ERCC2: variants seen among roughly 807,000 people sequenced by gnomAD.
ERCC2 encodes ERCC excision repair 2, TFIIH core complex helicase subunit, also known as general transcription and DNA repair factor IIH helicase subunit XPD.
Under a neutral mutation model 99.4 loss-of-function variants are expected in ERCC2, and 90 were observed. That is an observed-to-expected ratio of 0.91 (90% CI 0.76 to 1.08). ERCC2 has a LOEUF of 1.08. ERCC2 is among the 50% of genes least tolerant of loss of function. ERCC2 has a pLI of 0.00. For synonymous variants in ERCC2, 497 were observed against 432.4 expected (o/e 1.15, Z -1.85); for missense variants, 993 against 1,038.1 (o/e 0.96, Z 0.60).
rs1449045411 is a variant in ERCC2 at position 45,349,874 on chromosome 19, G to T, written c.*1755C>A. Reference sequence around the variant, plus strand: ...ACATTTATTGAGCTCACTGTGGCCGGCTCCCCTCTTAGCCCGGTCCCCACA... The same window carrying T: ...ACATTTATTGAGCTCACTGTGGCCGTCTCCCCTCTTAGCCCGGTCCCCACA... On this transcript the variant is annotated 3_prime_UTR_variant, in exon 23 of 23. Coordinates refer to ENST00000391945, the MANE Select transcript of ERCC2 (RefSeq NM_000400.4). 2.0e-5 allele frequency: 10 copies of T among 488,258 alleles called. No individual in the cohort carries two copies. The highest frequency in any genetic ancestry group is 1.2e-4 in the African/African-American group (6 of 51,126). 30.2% of individuals were successfully genotyped at this position (488,258 alleles called of 1,614,324 possible).
chr19:45,364,413 G>A lies in ERCC2; in HGVS notation c.718+11C>T, dbSNP rs1555778123. 9.3e-6 allele frequency: 15 copies of A among 1,613,720 alleles called. No individual in the cohort carries two copies. The highest frequency in any genetic ancestry group is 3.3e-4 in the Middle Eastern group (2 of 6,072). On this transcript the variant is annotated intron_variant, in intron 8 of 22. Transcript: ENST00000391945. ...GGCTGGCATCCCTTTGGCCCCTGGC[G>A]CCCCCCTCACCAATGTTGTGGGCCT...
chr19:45,350,354 TGAAACA>T lies in ERCC2; in HGVS notation c.*1269_*1274del. On this transcript the variant is annotated 3_prime_UTR_variant, in exon 23 of 23. Transcript: ENST00000391945. ...CCTTCTCCGCAGGCCTCAGCCTACC[TGAAACA>T]GAACAAGTATCAACAAGCGGAAGAG... The T allele has an allele frequency of 6.2e-7, 1 of 1,612,982 alleles. No individual in the cohort carries two copies. The highest frequency in any genetic ancestry group is 8.5e-7 in the Non-Finnish European group (1 of 1,179,886).
At position 45,351,584 on chromosome 19, in the gene ERCC2, G is replaced by GACTC. The variant is rs1239220261; in HGVS notation, c.*41_*44dup. ...GCCGCTGGGAACCAGGGCCAGGCAAGACTCAGGAGTCACCAGGAACCGTTT... is the reference window on the plus strand; with the variant it reads ...GCCGCTGGGAACCAGGGCCAGGCAAGACTCACTCAGGAGTCACCAGGAACCGTTT... On this transcript the variant is annotated 3_prime_UTR_variant, in exon 23 of 23. Transcript: ENST00000391945. 1.2e-6 allele frequency: 2 copies of GACTC among 1,611,740 alleles called. No homozygotes were observed. The highest frequency in any genetic ancestry group is 1.7e-6 in the Non-Finnish European group (2 of 1,179,548).
intron 11 of ERCC2, among the ~76,000 whole-genome samples, chr19:45,362,369 G>A (rs759842540): frequency 5.9e-5 from 9 of 152,282 alleles, no homozygotes; most frequent in South Asian, 2.1e-4. Flanking sequence ...GGACACACAC[G>A]GTGTCGGAAC....
chr19:45,368,527 T>A lies in ERCC2; in HGVS notation c.360+103A>T, dbSNP rs527594806. The A allele has an allele frequency of 6.0e-4, 477 of 789,738 alleles. 1 individual carries two copies. Among genetic ancestry groups the A allele is most frequent in the Non-Finnish European group, 9.0e-4 (400 of 446,532 alleles). The allele number at this position is 789,738 out of a possible 1,614,324, so 48.9% of individuals were successfully genotyped here. A position where few individuals can be genotyped will look rare whatever the true frequency, so the allele number is the denominator to read the frequency against. On this transcript the variant is annotated intron_variant, in intron 5 of 22. Coordinates refer to ENST00000391945, the MANE Select transcript of ERCC2 (RefSeq NM_000400.4). Reference sequence around the variant, plus strand: ...GGGAATTCTGTGTGTAGCCACTGCATGCCTTTGCAAGAGATATGGCCTGGG... The same window carrying A: ...GGGAATTCTGTGTGTAGCCACTGCAAGCCTTTGCAAGAGATATGGCCTGGG...
rs374869545 is a variant in ERCC2 at position 45,353,232 on chromosome 19, G to A, written c.1758+10C>T. ...CCCGACCCCTCTCCACGCTGGCCTC[G>A]CACACCCACCTCCTGGTACTTCTCC... On this transcript the variant is annotated intron_variant, in intron 18 of 22. Transcript: ENST00000391945. The A allele has an allele frequency of 6.6e-5, 107 of 1,612,886 alleles. No individual in the cohort carries two copies. Among genetic ancestry groups the A allele is most frequent in the African/African-American group, 3.6e-4 (27 of 74,922 alleles).
In ERCC2 at chr19:45,351,262, A is replaced by G. The variant is rs1971756978; in HGVS notation, c.*367T>C. 4.3e-6 allele frequency: 7 copies of G among 1,609,696 alleles called. No homozygotes were observed. In the East Asian group the frequency reaches 1.6e-4, roughly 36 times the overall value. On this transcript the variant is annotated 3_prime_UTR_variant, in exon 23 of 23. Transcript: ENST00000391945. Reference sequence around the variant, plus strand: ...ACACTTGCCCCTCACCTCCCCTCCAACCATCCCCTGTGCCTGTCTCCAGTT... The same window carrying G: ...ACACTTGCCCCTCACCTCCCCTCCAGCCATCCCCTGTGCCTGTCTCCAGTT...
At position 45,352,822 on chromosome 19, in the gene ERCC2, G is replaced by A. The variant is rs1799789; in HGVS notation, c.1832-6C>T. 618 of 1,613,610 alleles carry A rather than the reference G, an allele frequency of 3.8e-4. 5 individuals carry two copies. In the African/African-American group the frequency reaches 7.2e-3, roughly 19 times the overall value. ...GGCCCGCCCGTAGTGGTGCACTGGT[G>A]GGCAGAGGAGAGGGGGCGAGGGGGG... On this transcript the variant is annotated splice_region_variant and splice_polypyrimidine_tract_variant and intron_variant, in intron 19 of 22. Transcript: ENST00000391945.
intron 2 of ERCC2, 55 bp from the exon 3 acceptor site, chr19:45,369,202 CA>C: frequency 6.8e-7 from 1 of 1,481,134 alleles, no homozygotes; most frequent in Non-Finnish European, 9.4e-7. Context: ...CTTGGGCACA[CA>C]AACTCTGGGG....
chr19:45,354,124 A>C (rs1197344547), intron 17 of ERCC2, among the ~76,000 whole-genome samples: 1 of 152,146 alleles, frequency 6.6e-6, no homozygotes, highest in South Asian at 2.1e-4. Context: ...ACCTCACCCC[A>C]AAGTGCTTTC....
rs1568527734 is a variant in ERCC2 at position 45,350,667 on chromosome 19, C to T, written c.*962G>A. 1.2e-6 allele frequency: 2 copies of T among 1,613,642 alleles called. No individual in the cohort carries two copies. Among genetic ancestry groups the T allele is most frequent in the Admixed American group, 1.7e-5 (1 of 59,962 alleles). Reference sequence around the variant, plus strand: ...CCCTTCGCCGCAGCAGCTCACTCTCCAAGATCCGTGAGTCTATCAGGCGAG... The same window carrying T: ...CCCTTCGCCGCAGCAGCTCACTCTCTAAGATCCGTGAGTCTATCAGGCGAG... On this transcript the variant is annotated 3_prime_UTR_variant, in exon 23 of 23. Transcript: ENST00000391945.
In ERCC2 at chr19:45,369,008, G is replaced by T; in HGVS notation, c.184-16C>A. 1 of 1,614,112 alleles carries T rather than the reference G, an allele frequency of 6.2e-7. No homozygotes were observed. The highest frequency in any genetic ancestry group is 8.5e-7 in the Non-Finnish European group (1 of 1,179,980). ...GCGGATATGCCTGCCGATAACAAGC[G>T]GACTCAGTCCCTGTCCCGCCCCTTC... On this transcript the variant is annotated splice_polypyrimidine_tract_variant and intron_variant, in intron 3 of 22. Transcript: ENST00000391945.
chr19:45,355,635 C>T (rs1354649418), intron 16 of ERCC2, 30 bp downstream of exon 16: 3 of 1,603,446 alleles, frequency 1.9e-6, no homozygotes. Flanking sequence ...CTCTTGGAAC[C>T]CACAGAAACC....
intron 12 of ERCC2, 49 bp downstream of exon 12, chr19:45,361,475 G>T: frequency 7.4e-7 from 1 of 1,352,354 alleles, no homozygotes; most frequent in South Asian, 1.2e-5. Context: ...CTGGGACCCT[G>T]ATTCCAGCTG....
chr19:45,361,087 C>T (rs1238138865), intron 12 of ERCC2, among the ~76,000 whole-genome samples: 1 of 150,564 alleles, frequency 6.6e-6, no homozygotes, highest in Non-Finnish European at 1.5e-5. Context: ...GCCAAGATCA[C>T]ACCACTGCAC....
At chr19:45,353,623 CAG>C (rs1971907736) in intron 17 of ERCC2, among the ~76,000 whole-genome samples, 1 of 152,184 alleles carries the variant, frequency 6.6e-6, no homozygotes, top group Non-Finnish European at 1.5e-5. Flanking sequence ...GACTGTGAGG[CAG>C]GCAGAGCCAA....
chr19:45,359,632 A>AT (rs1972139853), intron 12 of ERCC2, among the ~76,000 whole-genome samples: 2 of 151,932 alleles, frequency 1.3e-5, no homozygotes, highest in African/African-American at 4.8e-5. Context: ...CACGCTCCCC[A>AT]TATCCCAGCC....
At chr19:45,353,721 GGA>G (rs1192757452) in intron 17 of ERCC2, among the ~76,000 whole-genome samples, 1 of 152,182 alleles carries the variant, frequency 6.6e-6, no homozygotes, top group Admixed American at 6.5e-5. Flanking sequence ...GGGACAGAAT[GGA>G]GAGTCCAGAA....
Position 45,364,935 on chromosome 19 carries a change from C to A in ERCC2, c.497G>T (p.Arg166Leu), listed in dbSNP as rs747109257. ...RFYEEFDAHGREVPLPAGIYN... is the reference protein window; with the variant it reads ...RFYEEFDAHGLEVPLPAGIYN... ...GATGCCAGCGGGGAGGGGCACCTCA[C>A]GCCCATGGGCATCAAATTCCTGGGA... The change falls in exon 7 of 23, where the codon CGT becomes CTT. Residue 166 changes from arginine to leucine, a missense_variant. Coordinates refer to ENST00000391945, the MANE Select transcript of ERCC2 (RefSeq NM_000400.4). 42 of 1,614,030 alleles carry A rather than the reference C, an allele frequency of 2.6e-5. No homozygotes were observed. The highest frequency in any genetic ancestry group is 3.6e-5 in the Non-Finnish European group (42 of 1,179,954).
Sources: allele counts gnomAD v4.1 joint callset (sites outside exome capture counted in the v4.1 genomes callset), GRCh38; gene constraint gnomAD v4.1.1; transcripts MANE v1.5; gene names NCBI Gene and HGNC (gene_info 2026-07-23, HGNC 2026-07-21).